RIGI: variants seen among roughly 807,000 people sequenced by gnomAD.
RIGI encodes RNA sensor RIG-I, also known as antiviral innate immune response receptor RIG-I.
chr9:32,515,063 G>A, the RIGI span, among the ~76,000 whole-genome samples: 1 of 152,202 alleles, frequency 6.6e-6, no homozygotes, highest in African/African-American at 2.4e-5. Context: ...TTGCAGAGAA[G>A]TCAGAGACCA....
At chr9:32,517,318 G>T in the RIGI span, among the ~76,000 whole-genome samples, 1 of 152,232 alleles carries the variant, frequency 6.6e-6, no homozygotes, top group South Asian at 2.1e-4. Context: ...TCGTGAGTTT[G>T]TATTGCTATC....
At chr9:32,510,269 C>T in the RIGI span, among the ~76,000 whole-genome samples, 10 of 152,048 alleles carry the variant, frequency 6.6e-5, no homozygotes, top group Non-Finnish European at 1.2e-4. Flanking sequence ...AGAAGAACAA[C>T]CCCAAGACAC....
chr9:32,493,196 T>C, the RIGI span, among the ~76,000 whole-genome samples: 5 of 152,238 alleles, frequency 3.3e-5, no homozygotes, highest in African/African-American at 1.2e-4. Context: ...CTAGAGTCTG[T>C]AGCCCTTTCT....
At chr9:32,487,659 G>C in the RIGI span, 1 of 1,606,828 alleles carries the variant, frequency 6.2e-7, no homozygotes, top group Non-Finnish European at 8.5e-7. Flanking sequence ...AAAATCATTA[G>C]ATGTCTGAGA....
At chr9:32,469,840 G>T in the RIGI span, among the ~76,000 whole-genome samples, 8 of 151,850 alleles carry the variant, frequency 5.3e-5, no homozygotes, top group African/African-American at 1.9e-4. Context: ...AGACATCTAC[G>T]TTTATCTATT....
At chr9:32,479,408 T>C in the RIGI span, among the ~76,000 whole-genome samples, 1 of 152,154 alleles carries the variant, frequency 6.6e-6, no homozygotes, top group Admixed American at 6.6e-5. Context: ...AACCCCAAAA[T>C]TATTAGCACT....
At chr9:32,478,163 C>G in the RIGI span, among the ~76,000 whole-genome samples, 1 of 151,922 alleles carries the variant, frequency 6.6e-6, no homozygotes, top group African/African-American at 2.4e-5. Flanking sequence ...TCTGCCTCAG[C>G]CTCTCAAGTA....
At chr9:32,514,337 A>T in the RIGI span, among the ~76,000 whole-genome samples, 20 of 152,222 alleles carry the variant, frequency 1.3e-4, no homozygotes, top group African/African-American at 4.8e-4. Flanking sequence ...AATGCCCATC[A>T]ATGATAAACT....
the RIGI span, among the ~76,000 whole-genome samples, chr9:32,500,103 T>C: frequency 6.6e-6 from 1 of 152,190 alleles, no homozygotes; most frequent in Non-Finnish European, 1.5e-5. Flanking sequence ...AAAACCAACA[T>C]TTCACTGTCT....
the RIGI span, among the ~76,000 whole-genome samples, chr9:32,479,807 A>C: frequency 6.7e-6 from 1 of 150,272 alleles, no homozygotes; most frequent in Non-Finnish European, 1.5e-5. Context: ...ACTGCACTTG[A>C]CCCTGGGCGA....
At chr9:32,487,608 C>T in the RIGI span, 1 of 1,614,176 alleles carries the variant, frequency 6.2e-7, no homozygotes, top group Non-Finnish European at 8.5e-7. Context: ...ATCCCCAACA[C>T]CAACCGAGGC....
the RIGI span, among the ~76,000 whole-genome samples, chr9:32,478,976 A>G: frequency 6.6e-6 from 1 of 152,254 alleles, no homozygotes; most frequent in Non-Finnish European, 1.5e-5. Context: ...CAGTTTTTGA[A>G]AAACTATTAT....
At chr9:32,507,359 T>C in the RIGI span, among the ~76,000 whole-genome samples, 1 of 152,200 alleles carries the variant, frequency 6.6e-6, no homozygotes, top group Non-Finnish European at 1.5e-5. Flanking sequence ...TGATACAAAA[T>C]GGAAAACATA....
the RIGI span, chr9:32,498,256 C>T: frequency 4.2e-5 from 19 of 456,656 alleles, no homozygotes; most frequent in Admixed American, 4.5e-4. Context: ...ACCCTTGGAT[C>T]TTGCTAACAC....
At chr9:32,525,364 GGGACCACGCCC>G in the RIGI span, among the ~76,000 whole-genome samples, 1 of 152,224 alleles carries the variant, frequency 6.6e-6, no homozygotes, top group Non-Finnish European at 1.5e-5. Context: ...TACAGCGTGA[GGGACCACGCCC>G]GGCCTCATCG....
At chr9:32,488,932 A>G in the RIGI span, 1 of 1,511,690 alleles carries the variant, frequency 6.6e-7, no homozygotes, top group Non-Finnish European at 8.9e-7. Flanking sequence ...CTCATATATT[A>G]GATATTTCTC....
the RIGI span, chr9:32,488,696 G>A: frequency 1.3e-6 from 2 of 1,488,386 alleles, no homozygotes; most frequent in South Asian, 3.0e-5. Context: ...ATTACATGAA[G>A]CTGGAGAAAA....
At chr9:32,480,657 A>G in the RIGI span, among the ~76,000 whole-genome samples, 1 of 152,224 alleles carries the variant, frequency 6.6e-6, no homozygotes, top group African/African-American at 2.4e-5. Context: ...AAAAATAAGG[A>G]AAGTAAATCA....
chr9:32,522,725 T>C, the RIGI span, among the ~76,000 whole-genome samples: 14 of 152,114 alleles, frequency 9.2e-5, no homozygotes, highest in Non-Finnish European at 1.6e-4. Context: ...TGGTCACCCA[T>C]AGTATGGAAC....
Sources: gnomAD v4.1 joint callset for allele counts (sites outside exome capture counted in the v4.1 genomes callset) on GRCh38, gnomAD v4.1.1 for gene constraint, MANE v1.5 for transcripts, NCBI Gene and HGNC (gene_info 2026-07-23, HGNC 2026-07-21) for gene names.